CYSTM1: variants seen among roughly 807,000 people sequenced by gnomAD.
CYSTM1 encodes cysteine-rich transmembrane module-containing protein 1.
A neutral mutation model predicts 13.1 loss-of-function variants in CYSTM1; 4 were observed. The observed-to-expected ratio is 0.31, with a 90% CI of 0.15 to 0.70. The LOEUF is 0.70. CYSTM1 is among the 30% of genes least tolerant of loss of function. CYSTM1 has a pLI of 0.72. For missense variants in CYSTM1, 96 were observed against 121.6 expected (o/e 0.79, Z 0.99); for synonymous variants, 36 against 42.7 (o/e 0.84, Z 0.62).
intron 1 of CYSTM1, among the ~76,000 whole-genome samples, chr5:140,176,398 GATTT>G (rs1763884403): frequency 6.6e-6 from 1 of 152,218 alleles, no homozygotes; most frequent in Admixed American, 6.5e-5. Context: ...CATATTTATA[GATTT>G]ATACAATATG....
chr5:140,175,322 C>G lies in CYSTM1; in HGVS notation c.-21+37C>G, dbSNP rs1456812231. 6.6e-6 allele frequency: 1 copy of G among 152,642 alleles called. No individual in the cohort carries two copies. Among genetic ancestry groups the G allele is most frequent in the Non-Finnish European group, 1.5e-5 (1 of 68,430 alleles). The allele number at this position is 152,642 out of a possible 1,614,324, so 9.5% of individuals were successfully genotyped here. ...CGGACCTGGCCCGACCCAGCTGGGA[C>G]CAGGGCGGGGATCAGGCACGGACAG... On this transcript the variant is annotated intron_variant, in intron 1 of 2. Transcript: ENST00000261811. The surrounding 1 kb of genome is among the most constrained non-coding windows in gnomAD (Gnocchi z 4.9).
intron 2 of CYSTM1, among the ~76,000 whole-genome samples, chr5:140,196,592 T>C (rs1764162034): frequency 6.6e-6 from 1 of 152,248 alleles, no homozygotes; most frequent in African/African-American, 2.4e-5. Context: ...GTAACAGTTT[T>C]TATCATGCAT....
intron 2 of CYSTM1, among the ~76,000 whole-genome samples, chr5:140,227,475 G>A (rs1220551168): frequency 1.3e-5 from 2 of 152,192 alleles, no homozygotes; most frequent in African/African-American, 4.8e-5. Flanking sequence ...AGAACTCAGA[G>A]GCTGCAGGGC....
In CYSTM1 at chr5:140,243,421, C is replaced by T. The variant is rs752760363; in HGVS notation, c.*10C>T. The T allele has an allele frequency of 1.9e-6, 3 of 1,612,702 alleles. No homozygotes were observed. The highest frequency in any genetic ancestry group is 1.7e-4 in the Middle Eastern group (1 of 6,008). ...GGACATGCTCACCTGACCAGACCAG[C>T]CCAGCCGTCCTGTCCTGCCAGCTCT... On this transcript the variant is annotated 3_prime_UTR_variant, in exon 3 of 3. Coordinates refer to ENST00000261811, the MANE Select transcript of CYSTM1 (RefSeq NM_032412.4).
chr5:140,180,124 G>A (rs1033186418), intron 1 of CYSTM1, among the ~76,000 whole-genome samples: 9 of 152,170 alleles, frequency 5.9e-5, no homozygotes, highest in African/African-American at 1.9e-4. Context: ...CCTCAAAGGA[G>A]TAAGTTATTA....
chr5:140,243,660 G>C lies in CYSTM1; in HGVS notation c.*249G>C. 2.8e-6 allele frequency: 1 copy of C among 356,770 alleles called. No homozygotes were observed. Among genetic ancestry groups the C allele is most frequent in the Non-Finnish European group, 5.1e-6 (1 of 197,930 alleles). 22.1% of individuals were successfully genotyped at this position (356,770 alleles called of 1,614,324 possible). ...TGCTAAATGACTTTTTTGGCCAAAG[G>C]CTTAGTTGTGAAAAATATAATTTTT... On this transcript the variant is annotated 3_prime_UTR_variant, in exon 3 of 3. Transcript: ENST00000261811.
intron 1 of CYSTM1, among the ~76,000 whole-genome samples, chr5:140,192,067 T>TA (rs1470784626): frequency 6.6e-6 from 1 of 151,932 alleles, no homozygotes; most frequent in African/African-American, 2.4e-5. Flanking sequence ...CCTGGAAAAA[T>TA]AAGATGGTGT....
chr5:140,215,340 T>A (rs920411469), intron 2 of CYSTM1, among the ~76,000 whole-genome samples: 20 of 152,106 alleles, frequency 1.3e-4, no homozygotes, highest in Admixed American at 1.1e-3. Context: ...GATTGGTATC[T>A]TTATCACTGG....
chr5:140,225,903 G>A (rs977971630), intron 2 of CYSTM1, among the ~76,000 whole-genome samples: 1 of 152,202 alleles, frequency 6.6e-6, no homozygotes, highest in Non-Finnish European at 1.5e-5. Flanking sequence ...TCTCTACAGC[G>A]AGGGGCTAAC....
At chr5:140,200,557 C>CTTTTTTTTTTTTTTTTTTTTTTTT (rs57173526) in intron 2 of CYSTM1, 1 of 78,712 alleles carries the variant, frequency 1.3e-5, no homozygotes, top group African/African-American at 5.2e-5. Flanking sequence ...TCCCCCCGGC[C>CTTTTTTTTTTTTTTTTTTTTTTTT]TTTTTTTTTT....
chr5:140,228,596 C>T (rs140891195), intron 2 of CYSTM1: 114 of 395,446 alleles, frequency 2.9e-4, no homozygotes, highest in African/African-American at 2.2e-3. Context: ...GGCCCCTGCC[C>T]TGCCCTTGTG....
intron 2 of CYSTM1, among the ~76,000 whole-genome samples, chr5:140,241,785 A>C: frequency 6.6e-6 from 1 of 152,126 alleles, no homozygotes; most frequent in South Asian, 2.1e-4. Context: ...GCCAGGCTTC[A>C]GTGGGTAGGG....
In CYSTM1 at chr5:140,230,219, C is replaced by G. The variant is rs959899755; in HGVS notation, c.188-13086C>G. Among the ~76,000 whole-genome samples, 1 of 152,166 alleles carries G rather than the reference C, an allele frequency of 6.6e-6. No homozygotes were observed. Among genetic ancestry groups the G allele is most frequent in the Non-Finnish European group, 1.5e-5 (1 of 68,030 alleles). On this transcript the variant is annotated intron_variant, in intron 2 of 2. Transcript: ENST00000261811. The surrounding 1 kb of genome is among the most constrained non-coding windows in gnomAD (Gnocchi z 4.1). ...GGGTGTAGGATAAGATTCTAGTTTT[C>G]TTTTTCCATCTTGGTAGTTCCAGCT...
chr5:140,235,408 C>CTT (rs11310816), intron 2 of CYSTM1, among the ~76,000 whole-genome samples: 3 of 139,510 alleles, frequency 2.2e-5, no homozygotes, highest in Non-Finnish European at 3.1e-5. Flanking sequence ...AAAAACTTTC[C>CTT]TTTTTTTTTT....
intron 2 of CYSTM1, among the ~76,000 whole-genome samples, chr5:140,195,063 C>G (rs944493457): frequency 2.0e-5 from 3 of 152,006 alleles, no homozygotes; most frequent in African/African-American, 7.2e-5. Flanking sequence ...TGGGGTTTTT[C>G]TTTTTTTTCT....
In CYSTM1 at chr5:140,212,095, G is replaced by A. The variant is rs766690809; in HGVS notation, c.187+17443G>A. Reference sequence around the variant, plus strand: ...AGTCCTAGTGATATCCCATTTTAGAGATGAGGAGACTGAGATTCAGAGGGA... The same window carrying A: ...AGTCCTAGTGATATCCCATTTTAGAAATGAGGAGACTGAGATTCAGAGGGA... On this transcript the variant is annotated intron_variant, in intron 2 of 2. Coordinates refer to ENST00000261811, the MANE Select transcript of CYSTM1 (RefSeq NM_032412.4). Among the ~76,000 whole-genome samples, 128 of 152,292 alleles carry A rather than the reference G, an allele frequency of 8.4e-4. No individual in the cohort carries two copies. The Middle Eastern group carries it at 0.014, about 16-fold the overall frequency.
chr5:140,178,874 T>C (rs1763924939), intron 1 of CYSTM1, among the ~76,000 whole-genome samples: 1 of 152,064 alleles, frequency 6.6e-6, no homozygotes, highest in African/African-American at 2.4e-5. Context: ...AGTGCTGGGA[T>C]TACAGGCATG....
intron 1 of CYSTM1, among the ~76,000 whole-genome samples, chr5:140,187,775 GA>G (rs1764036253): frequency 6.6e-6 from 1 of 152,204 alleles, no homozygotes; most frequent in Non-Finnish European, 1.5e-5. Context: ...AGGGTTCCAA[GA>G]TAGAGAAGTC....
At chr5:140,201,689 A>G (rs1383533310) in intron 2 of CYSTM1, 4 of 152,212 alleles carry the variant, frequency 2.6e-5, no homozygotes, top group African/African-American at 7.2e-5. Flanking sequence ...TCTGAATTCA[A>G]TCAACCTTGC....
Sources: allele counts gnomAD v4.1 joint callset (sites outside exome capture counted in the v4.1 genomes callset), GRCh38; gene constraint gnomAD v4.1.1; non-coding constraint Gnocchi (gnomAD v3.1); transcripts MANE v1.5; gene names NCBI Gene and HGNC (gene_info 2026-07-23, HGNC 2026-07-21).